Variants in TOP6BL observed in about 807,000 individuals in gnomAD.
TOP6BL encodes the protein TOP6B like initiator of meiotic double strand breaks, also known as type 2 DNA topoisomerase 6 subunit B-like.
the TOP6BL span, among the ~76,000 whole-genome samples, chr11:66,759,957 A>G: frequency 6.6e-6 from 1 of 152,184 alleles, no homozygotes; most frequent in Non-Finnish European, 1.5e-5. Flanking sequence ...AAGGAAGCCA[A>G]AATGACCTTA....
At chr11:66,777,121 C>G in the TOP6BL span, among the ~76,000 whole-genome samples, 1 of 145,260 alleles carries the variant, frequency 6.9e-6, no homozygotes, top group Non-Finnish European at 1.5e-5. Flanking sequence ...ATATCTATAT[C>G]TATAATGTTG....
chr11:66,820,920 G>C, the TOP6BL span, among the ~76,000 whole-genome samples: 1 of 152,126 alleles, frequency 6.6e-6, no homozygotes, highest in Non-Finnish European at 1.5e-5. Flanking sequence ...GGGAGATTTT[G>C]TCTAAAAAAA....
chr11:66,816,279 C>A, the TOP6BL span: 2 of 1,372,440 alleles, frequency 1.5e-6, no homozygotes, highest in Non-Finnish European at 9.8e-7. Flanking sequence ...ATGCACACAT[C>A]TAAATTAGAT....
At chr11:66,774,447 C>CTTTGT in the TOP6BL span, among the ~76,000 whole-genome samples, 2 of 151,760 alleles carry the variant, frequency 1.3e-5, no homozygotes, top group African/African-American at 2.4e-5. Context: ...TTTGGTGTTT[C>CTTTGT]TTTGTTTTGT....
At chr11:66,842,235 C>T in the TOP6BL span, among the ~76,000 whole-genome samples, 1 of 152,174 alleles carries the variant, frequency 6.6e-6, no homozygotes, top group Non-Finnish European at 1.5e-5. Flanking sequence ...GGTATCTCCT[C>T]ATGGAAACCC....
At chr11:66,843,468 G>A in the TOP6BL span, 50 of 1,424,162 alleles carry the variant, frequency 3.5e-5, no homozygotes, top group Admixed American at 1.2e-3. Context: ...GGCGGCGCTG[G>A]GCGGGGATGG....
chr11:66,802,420 T>C, the TOP6BL span, among the ~76,000 whole-genome samples: 512 of 152,286 alleles, frequency 3.4e-3, 2 homozygotes, highest in Non-Finnish European at 4.3e-3. Context: ...CCCAAAGTGC[T>C]GAGATTACAG....
chr11:66,804,174 G>A, the TOP6BL span: 2 of 1,609,740 alleles, frequency 1.2e-6, no homozygotes, highest in Admixed American at 1.7e-5. Context: ...CAGCTTAACA[G>A]GATTTCTTCA....
the TOP6BL span, among the ~76,000 whole-genome samples, chr11:66,765,071 G>A: frequency 2.0e-5 from 3 of 152,188 alleles, no homozygotes; most frequent in South Asian, 2.1e-4. Context: ...TGTACAAGGA[G>A]TGGTCAGATC....
the TOP6BL span, among the ~76,000 whole-genome samples, chr11:66,757,159 A>G: frequency 1.3e-5 from 2 of 151,948 alleles, no homozygotes; most frequent in Non-Finnish European, 2.9e-5. Flanking sequence ...CCCGCCCAAC[A>G]TAGTGAAACT....
At chr11:66,828,263 T>C in the TOP6BL span, 2 of 1,611,758 alleles carry the variant, frequency 1.2e-6, no homozygotes, top group Non-Finnish European at 1.7e-6. Flanking sequence ...TGGCCCATTT[T>C]AGGCAGCTGA....
the TOP6BL span, among the ~76,000 whole-genome samples, chr11:66,747,200 T>G: frequency 6.6e-6 from 1 of 152,092 alleles, no homozygotes; most frequent in Non-Finnish European, 1.5e-5. Flanking sequence ...CCTCCCGAAG[T>G]GCTGGGATTA....
At chr11:66,838,538 T>C in the TOP6BL span, 85 of 1,164,486 alleles carry the variant, frequency 7.3e-5, 1 homozygote, top group Non-Finnish European at 1.0e-4. Flanking sequence ...CTGTACCTTC[T>C]ACTACAGCGG....
the TOP6BL span, among the ~76,000 whole-genome samples, chr11:66,753,699 C>T: frequency 6.6e-6 from 1 of 151,630 alleles, no homozygotes; most frequent in Non-Finnish European, 1.5e-5. Context: ...AGCCACCGCG[C>T]CCGGCCATGT....
At chr11:66,795,517 G>A in the TOP6BL span, among the ~76,000 whole-genome samples, 2 of 151,898 alleles carry the variant, frequency 1.3e-5, no homozygotes, top group Non-Finnish European at 2.9e-5. Flanking sequence ...GGCCAGGTTG[G>A]TCTCGAACTC....
the TOP6BL span, among the ~76,000 whole-genome samples, chr11:66,820,718 C>CTTTGCTTCTCCCTTTCTCCTCTCCTTT: frequency 6.6e-6 from 1 of 152,210 alleles, no homozygotes. Context: ...TCTATAGGAC[C>CTTTGCTTCTCCCTTTCTCCTCTCCTTT]TTTGCTTCTC....
At chr11:66,788,155 C>T in the TOP6BL span, 1 of 1,593,424 alleles carries the variant, frequency 6.3e-7, no homozygotes, top group Non-Finnish European at 8.6e-7. Context: ...TTTCTTCTCA[C>T]ACAGAAATAC....
the TOP6BL span, chr11:66,838,409 G>A: frequency 6.2e-7 from 1 of 1,613,928 alleles, no homozygotes; most frequent in Non-Finnish European, 8.5e-7. Flanking sequence ...GGGCACTGAG[G>A]ACGCACCTGA....
chr11:66,836,757 G>C, the TOP6BL span, among the ~76,000 whole-genome samples: 1 of 137,170 alleles, frequency 7.3e-6, no homozygotes, highest in Non-Finnish European at 1.5e-5. Context: ...CTGGAGTGAA[G>C]TGGAGCATTC....
Sources: allele counts gnomAD v4.1 joint callset (sites outside exome capture counted in the v4.1 genomes callset), GRCh38; gene constraint gnomAD v4.1.1; transcripts MANE v1.5; gene names NCBI Gene and HGNC (gene_info 2026-07-23, HGNC 2026-07-21).